The following ITCH variants were observed in gnomAD, a reference collection of about 807,000 sequenced individuals.
The protein encoded by ITCH is E3 ubiquitin-protein ligase Itchy homolog.
Under a neutral mutation model 126.8 loss-of-function variants are expected in ITCH, and 28 were observed. The ratio of observed to expected loss-of-function variants is 0.22; its 90% CI spans 0.16 to 0.30. The LOEUF is 0.30. ITCH is among the 10% of genes least tolerant of loss of function. The pLI is 1.00. For missense variants in ITCH, 631 were observed against 1,032.4 expected (o/e 0.61, Z 5.33); for synonymous variants, 342 against 340.0 (o/e 1.01, Z -0.06).
chr20:34,399,925 A>C (rs1257399457), intron 3 of ITCH, among the ~76,000 whole-genome samples: 3 of 151,910 alleles, frequency 2.0e-5, no homozygotes, highest in African/African-American at 7.3e-5. Flanking sequence ...ACACTTGACT[A>C]ATTAAAAAAA....
chr20:34,415,051 C>T (rs1484043225), intron 6 of ITCH, among the ~76,000 whole-genome samples: 1 of 152,160 alleles, frequency 6.6e-6, no homozygotes, highest in Non-Finnish European at 1.5e-5. Flanking sequence ...CCATCACTTC[C>T]TAATGTGTTA....
chr20:34,462,697 A>G (rs889140148), intron 14 of ITCH, among the ~76,000 whole-genome samples: 1 of 152,196 alleles, frequency 6.6e-6, no homozygotes, highest in Non-Finnish European at 1.5e-5. Context: ...TTGTGGCATA[A>G]TCATTACCAC....
At chr20:34,366,166 A>G (rs1484805769) in intron 1 of ITCH, among the ~76,000 whole-genome samples, 1 of 152,190 alleles carries the variant, frequency 6.6e-6, no homozygotes, top group Non-Finnish European at 1.5e-5. Context: ...AAAAGGGTTC[A>G]GGGAGTGTGG....
At position 34,499,979 on chromosome 20, in the gene ITCH, A is replaced by T. The variant is rs576229493; in HGVS notation, c.2417-4352A>T. Among the ~76,000 whole-genome samples, 7 of 152,284 alleles carry T rather than the reference A, an allele frequency of 4.6e-5. No individual in the cohort carries two copies. In the South Asian group the frequency reaches 1.5e-3, roughly 32 times the overall value. On this transcript the variant is annotated intron_variant, in intron 23 of 24. Transcript: ENST00000374864. ...ACGTTTAATTACCATGTATTTATAC[A>T]ATTTTGAAAGTTCCTCTTTTTATTG... is the stretch of plus-strand genomic sequence containing the variant.
intron 7 of ITCH, among the ~76,000 whole-genome samples, chr20:34,429,771 TTA>T (rs1448318868): frequency 6.6e-6 from 1 of 151,826 alleles, no homozygotes; most frequent in Non-Finnish European, 1.5e-5. Context: ...GTTTTTATGT[TTA>T]TTATTAGAAA....
chr20:34,402,889 A>G (rs2038935500), intron 3 of ITCH, among the ~76,000 whole-genome samples: 1 of 152,194 alleles, frequency 6.6e-6, no homozygotes, highest in African/African-American at 2.4e-5. Context: ...TAAGAAAGAG[A>G]TGTCATCTTG....
chr20:34,456,158 T>G (rs748343753), intron 12 of ITCH, among the ~76,000 whole-genome samples: 2 of 47,674 alleles, frequency 4.2e-5, no homozygotes, highest in Admixed American at 2.1e-4. Flanking sequence ...TTTTTATATA[T>G]TGTGTGTGTG....
In ITCH at chr20:34,445,330, G is replaced by A; in HGVS notation, c.1009G>A (p.Asp337Asn). The A allele has an allele frequency of 6.5e-7, 1 of 1,534,168 alleles. No individual in the cohort carries two copies. Among genetic ancestry groups the A allele is most frequent in the Non-Finnish European group, 8.8e-7 (1 of 1,135,058 alleles). The change falls in exon 11 of 25, where the codon GAC becomes AAC. Residue 337 changes from aspartate (D) to asparagine (N), a missense_variant. This residue lies in a region of ITCH where 390 missense variants were observed against 731.6 expected (regional missense o/e 0.53). Transcript: ENST00000374864. ...CAACATGGGACGTATTTATTATGTTGACCATTTCACAAGAACAACAACGTG... is the reference window on the plus strand; with the variant it reads ...CAACATGGGACGTATTTATTATGTTAACCATTTCACAAGAACAACAACGTG... ...VDNMGRIYYV[D>N]HFTRTTTWQR...
chr20:34,440,208 G>A lies in ITCH; in HGVS notation c.733G>A (p.Gly245Ser), dbSNP rs757476200. The change falls in exon 9 of 25, where the codon GGC becomes AGC. Residue 245 changes from glycine to serine, a missense_variant. Physicochemically the swap from Gly to Ser is moderately conservative, Grantham distance 56. Coordinates refer to ENST00000374864, the MANE Select transcript of ITCH (RefSeq NM_031483.7). ...ATSESDGSST[G>S]SLPPTNTNTN... ...TTCTGAAAGTGATGGGTCTAGTACAGGCTCTCTGCCGCCGACAAATACAAA... is the reference window on the plus strand; with the variant it reads ...TTCTGAAAGTGATGGGTCTAGTACAAGCTCTCTGCCGCCGACAAATACAAA... 6.2e-6 allele frequency: 10 copies of A among 1,613,686 alleles called. No homozygotes were observed. Among genetic ancestry groups the A allele is most frequent in the Admixed American group, 5.0e-5 (3 of 59,992 alleles).
chr20:34,507,290 G>GT (rs372382674), intron 24 of ITCH, among the ~76,000 whole-genome samples: 1 of 70,002 alleles, frequency 1.4e-5, no homozygotes, highest in Non-Finnish European at 2.7e-5. Context: ...TTTTTTTTTT[G>GT]GTTGTTGTTG....
intron 13 of ITCH, among the ~76,000 whole-genome samples, chr20:34,461,642 G>T (rs923985795): frequency 6.6e-6 from 1 of 151,294 alleles, no homozygotes; most frequent in Non-Finnish European, 1.5e-5. Flanking sequence ...CTGGGAGGTG[G>T]AGGTTGCAGT....
At chr20:34,425,548 A>G (rs948821869) in intron 7 of ITCH, among the ~76,000 whole-genome samples, 4 of 152,204 alleles carry the variant, frequency 2.6e-5, no homozygotes, top group Non-Finnish European at 5.9e-5. Context: ...CATTCGTTCT[A>G]TTCTGAGATA....
At chr20:34,488,733 AAG>A (rs1281014718) in intron 20 of ITCH, among the ~76,000 whole-genome samples, 1 of 151,972 alleles carries the variant, frequency 6.6e-6, no homozygotes, top group Non-Finnish European at 1.5e-5. Context: ...AACAAAATAA[AAG>A]AAAAAAAAAG....
chr20:34,486,709 T>C (rs1030201674), intron 20 of ITCH, among the ~76,000 whole-genome samples: 3 of 151,778 alleles, frequency 2.0e-5, no homozygotes, highest in African/African-American at 4.8e-5. Flanking sequence ...TTATTATTAA[T>C]ATTTTTGAGA....
chr20:34,440,467 C>A, intron 9 of ITCH, 123 bp downstream of exon 9: 1 of 699,616 alleles, frequency 1.4e-6, no homozygotes. Flanking sequence ...TTTTTAATTT[C>A]TTTTTTTTTT....
At chr20:34,428,744 T>C (rs575834465) in intron 7 of ITCH, among the ~76,000 whole-genome samples, 43 of 151,996 alleles carry the variant, frequency 2.8e-4, no homozygotes, top group African/African-American at 9.4e-4. Flanking sequence ...TGTTACTCTT[T>C]GATTTGAACA....
At position 34,507,854 on chromosome 20, in the gene ITCH, G is replaced by A; in HGVS notation, c.*60G>A. On this transcript the variant is annotated 3_prime_UTR_variant, in exon 25 of 25. Coordinates refer to ENST00000374864, the MANE Select transcript of ITCH (RefSeq NM_031483.7). Reference sequence around the variant, plus strand: ...TTATTTGCAATGTTTGTCCTTCTCTGCCTGTTGCACATCTTGTAAAATTGG... The same window carrying A: ...TTATTTGCAATGTTTGTCCTTCTCTACCTGTTGCACATCTTGTAAAATTGG... The A allele has an allele frequency of 8.1e-7, 1 of 1,233,370 alleles. No homozygotes were observed. Among genetic ancestry groups the A allele is most frequent in the Admixed American group, 1.7e-5 (1 of 59,210 alleles). The allele number at this position is 1,233,370 out of a possible 1,614,324, so 76.4% of individuals were successfully genotyped here. A position where few individuals can be genotyped will look rare whatever the true frequency, so the allele number is the denominator to read the frequency against.
intron 11 of ITCH, among the ~76,000 whole-genome samples, chr20:34,447,427 TGA>T (rs1474582147): frequency 6.6e-6 from 1 of 152,174 alleles, no homozygotes; most frequent in African/African-American, 2.4e-5. Flanking sequence ...GTCTGTTTAT[TGA>T]GTATATGAAG....
Position 34,449,460 on chromosome 20 carries a change from G to A in ITCH, c.1190G>A (p.Gly397Asp). The change falls in exon 12 of 25, where the codon GGT (glycine) becomes GAT (aspartate). Residue 397 changes from glycine to aspartate, a missense_variant. This residue lies in a region of ITCH where 390 missense variants were observed against 731.6 expected (regional missense o/e 0.53). Transcript: ENST00000374864. The part of the protein sequence containing the change: ...TSQSKEFDPL[G>D]PLPPGWEKRT... The stretch of plus-strand genomic sequence containing the variant: ...CAAAGTAAAGAATTTGATCCTCTTG[G>A]TCCATTGCCACCTGGATGGGGTAAG... 1.2e-6 allele frequency: 2 copies of A among 1,610,750 alleles called. No individual in the cohort carries two copies. The highest frequency in any genetic ancestry group is 1.7e-6 in the Non-Finnish European group (2 of 1,177,218).
Sources: gnomAD v4.1 joint callset for allele counts (sites outside exome capture counted in the v4.1 genomes callset) on GRCh38, gnomAD v4.1.1 for gene constraint, gnomAD v4.1.1 regional missense constraint, MANE v1.5 for transcripts, NCBI Gene and HGNC (gene_info 2026-07-23, HGNC 2026-07-21) for gene names.